NDNF: variants seen among roughly 807,000 people sequenced by gnomAD.
NDNF encodes neuron derived neurotrophic factor, also known as protein NDNF.
In NDNF, 16 loss-of-function variants were observed where a neutral mutation model predicts 42.0. The ratio of observed to expected loss-of-function variants is 0.38; its 90% confidence interval spans 0.26 to 0.58. The LOEUF (loss-of-function observed/expected upper bound fraction) is 0.58, where lower values mean the gene tolerates loss of function less well. NDNF is among the 20% of genes least tolerant of loss of function. NDNF has a pLI of 0.67. For missense variants in NDNF, 616 were observed against 666.2 expected (o/e 0.92, Z 0.83); for synonymous variants, 248 against 251.7 (o/e 0.99, Z 0.14).
chr4:121,040,079 AC>A, intron 2 of NDNF, 25 bp from the exon 3 acceptor site: 1 of 1,605,082 alleles, frequency 6.2e-7, no homozygotes, highest in Non-Finnish European at 8.5e-7. Flanking sequence ...ACCACTTTAG[AC>A]CGTGGTAATT....
chr4:121,040,968 A>G (rs1383659649), intron 2 of NDNF, among the ~76,000 whole-genome samples: 1 of 152,214 alleles, frequency 6.6e-6, no homozygotes, highest in Non-Finnish European at 1.5e-5. Flanking sequence ...TTGGAATCGC[A>G]TTATCTAATC....
intron 1 of NDNF, among the ~76,000 whole-genome samples, chr4:121,046,744 C>T (rs982450204): frequency 6.6e-6 from 1 of 152,200 alleles, no homozygotes; most frequent in Non-Finnish European, 1.5e-5. Context: ...CAAAGATCCT[C>T]TAAGTAATGA....
chr4:121,048,603 G>A (rs1019704295), intron 1 of NDNF, among the ~76,000 whole-genome samples: 1 of 152,208 alleles, frequency 6.6e-6, no homozygotes, highest in South Asian at 2.1e-4. Flanking sequence ...ACTTTGGGAG[G>A]CCAAGGCAGG....
rs1386847891 is a variant in NDNF, at chr4:121,039,143, G to GTATATATATATATACGTATATATA, written c.313+786_313+787insTATATATACGTATATATATATATA. Among the ~76,000 whole-genome samples, 94 of 37,702 alleles carry GTATATATATATATACGTATATATA rather than the reference G, an allele frequency of 2.5e-3. 7 individuals carry two copies. The highest frequency in any genetic ancestry group is 7.9e-3 in the Non-Finnish European group (78 of 9,876). 24.7% of individuals were successfully genotyped at this position (37,702 alleles called of 152,430 possible). On this transcript the variant is annotated intron_variant, in intron 3 of 3. Coordinates refer to ENST00000379692, the MANE Select transcript of NDNF (RefSeq NM_024574.4). ...TACGTATACATAGTTATATATATAT[G>GTATATATATATATACGTATATATA]TGTATATATATATGTATATATATAT...
chr4:121,037,837 A>C, intron 3 of NDNF, 180 bp from the exon 4 acceptor site: 1 of 501,536 alleles, frequency 2.0e-6, no homozygotes, highest in Non-Finnish European at 3.4e-6. Flanking sequence ...TAATGTTCTT[A>C]TATATGTGTA....
At chr4:121,049,236 G>A (rs1727148315) in intron 1 of NDNF, among the ~76,000 whole-genome samples, 1 of 152,232 alleles carries the variant, frequency 6.6e-6, no homozygotes, top group Non-Finnish European at 1.5e-5. Context: ...GTACTTGGGA[G>A]CAGAAGTACT....
intron 1 of NDNF, among the ~76,000 whole-genome samples, chr4:121,049,784 A>G (rs766377261): frequency 2.0e-5 from 3 of 152,186 alleles, no homozygotes; most frequent in Non-Finnish European, 2.9e-5. Flanking sequence ...CCCAAACTAA[A>G]ATTCCATCAG....
At chr4:121,037,837 A>G in intron 3 of NDNF, 180 bp from the exon 4 acceptor site, 1 of 501,536 alleles carries the variant, frequency 2.0e-6, no homozygotes, top group Admixed American at 3.7e-5. Flanking sequence ...TAATGTTCTT[A>G]TATATGTGTA....
At chr4:121,039,208 A>AAAGACTATGTATGTG (rs1321895629) in intron 3 of NDNF, among the ~76,000 whole-genome samples, 42,062 of 93,676 alleles carry the variant, frequency 0.45, 13,435 homozygotes, top group East Asian at 0.64. Flanking sequence ...ATATATATAT[A>AAAGACTATGTATGTG]TATATATATA....
Position 121,037,427 on chromosome 4 carries a change from C to T in NDNF, c.544G>A (p.Val182Ile), listed in dbSNP as rs1435738412. Residue 182 changes from valine (V) to isoleucine (I), a missense_variant, in exon 4 of 4, where the codon GTA (valine) becomes ATA (isoleucine). Coordinates refer to ENST00000379692, the MANE Select transcript of NDNF (RefSeq NM_024574.4). ...GTGCGCCCCAGTGAGGTCACATCTA[C>T]TCTTGGGTCATAGGGTAACTCAGGG... ...PYPELPYDPR[V>I]DVTSLGRTTV... is the part of the protein sequence containing the mutation. 4.2e-5 allele frequency: 67 copies of T among 1,614,016 alleles called. No homozygotes were observed. The highest frequency in any genetic ancestry group is 5.3e-5 in the Non-Finnish European group (63 of 1,180,030).
At chr4:121,069,348 T>C (rs1227080952) in intron 1 of NDNF, among the ~76,000 whole-genome samples, 3 of 152,170 alleles carry the variant, frequency 2.0e-5, no homozygotes, top group African/African-American at 7.2e-5. Flanking sequence ...CTCTTGTCCT[T>C]AGAAGGATAT....
chr4:121,062,942 T>C (rs1054321581), intron 1 of NDNF, among the ~76,000 whole-genome samples: 1 of 152,202 alleles, frequency 6.6e-6, no homozygotes, highest in African/African-American at 2.4e-5. Context: ...GTTGAGTGTA[T>C]AAATACTTTC....
chr4:121,050,470 G>C (rs556567581), intron 1 of NDNF, among the ~76,000 whole-genome samples: 1 of 152,230 alleles, frequency 6.6e-6, no homozygotes, highest in African/African-American at 2.4e-5. Flanking sequence ...ATGGCCATCT[G>C]GTGGATGATG....
At chr4:121,048,209 A>T (rs4446338) in intron 1 of NDNF, among the ~76,000 whole-genome samples, 9 of 152,234 alleles carry the variant, frequency 5.9e-5, no homozygotes, top group African/African-American at 1.7e-4. Flanking sequence ...ACGAGGCCAA[A>T]TAAAGAAGAA....
At chr4:121,042,622 C>A (rs530386038) in intron 2 of NDNF, among the ~76,000 whole-genome samples, 1 of 152,104 alleles carries the variant, frequency 6.6e-6, no homozygotes, top group South Asian at 2.1e-4. Context: ...GAATTTTGTC[C>A]CTTTGGCCAG....
At chr4:121,049,839 T>C (rs1165384286) in intron 1 of NDNF, among the ~76,000 whole-genome samples, 4 of 152,234 alleles carry the variant, frequency 2.6e-5, no homozygotes, top group African/African-American at 7.2e-5. Flanking sequence ...TCTCAATTGC[T>C]ATGCCAATTA....
In NDNF at chr4:121,036,661, G is replaced by C; in HGVS notation, c.1310C>G (p.Thr437Arg). The C allele has an allele frequency of 6.2e-7, 1 of 1,614,152 alleles. No individual in the cohort carries two copies. Among genetic ancestry groups the C allele is most frequent in the Non-Finnish European group, 8.5e-7 (1 of 1,180,016 alleles). The stretch of plus-strand genomic sequence containing the variant: ...GGGAAATGACTGCTTAGTAGGCCTT[G>C]TGGTAGCTAGAATTTTCAACATAGA... ...GASMLKILAT[T>R]RPTKQSFPSL... Residue 437 changes from threonine to arginine, a missense_variant, in exon 4 of 4, where the codon ACA (threonine) becomes AGA (arginine). Coordinates refer to ENST00000379692, the MANE Select transcript of NDNF (RefSeq NM_024574.4).
rs183670191 is a variant in NDNF at position 121,046,420 on chromosome 4, G to T, written c.-1-582C>A. Reference sequence around the variant, plus strand: ...GGGTTATACATATATAACTCTCTACGTAGTATTATGCTTTTTCCAAGATCA... The same window carrying T: ...GGGTTATACATATATAACTCTCTACTTAGTATTATGCTTTTTCCAAGATCA... On this transcript the variant is annotated intron_variant, in intron 1 of 3. Coordinates refer to ENST00000379692, the MANE Select transcript of NDNF (RefSeq NM_024574.4). 2.6e-5 allele frequency among the ~76,000 whole-genome samples: 4 copies of T among 152,164 alleles called. No homozygotes were observed. The South Asian group carries it at 6.2e-4, about 24-fold the overall frequency.
intron 1 of NDNF, chr4:121,071,336 C>CG (rs34661431): frequency 6.6e-6 from 1 of 152,176 alleles, no homozygotes; most frequent in Non-Finnish European, 1.5e-5. Flanking sequence ...TAACGATGCT[C>CG]GCCTACCACG....
Sources: gnomAD v4.1 joint callset for allele counts (sites outside exome capture counted in the v4.1 genomes callset) on GRCh38, gnomAD v4.1.1 for gene constraint, MANE v1.5 for transcripts, NCBI Gene and HGNC (gene_info 2026-07-23, HGNC 2026-07-21) for gene names.